Variants in ABLIM1 observed in about 807,000 individuals in gnomAD.
ABLIM1 encodes the protein actin binding LIM protein 1.
ABLIM1 carries 40 observed loss-of-function variants against 107.0 expected under a neutral mutation model. That is an observed-to-expected ratio of 0.37 (90% CI 0.29 to 0.49). The LOEUF (loss-of-function observed/expected upper bound fraction) is 0.49. Ranked by LOEUF, ABLIM1 falls within the 20% of genes least tolerant of loss-of-function variation. The probability of loss-of-function intolerance (pLI) is 0.97; values close to 1 mark genes in which losing one functional copy is unlikely to be tolerated. For missense variants in ABLIM1, 857 were observed against 1,008.5 expected, an observed-to-expected ratio of 0.85 and a Z score of 2.04; for synonymous variants, 357 against 357.3, an observed-to-expected ratio of 1.00 and a Z score of 0.01.
intron 1 of ABLIM1, among the ~76,000 whole-genome samples, chr10:114,760,170 T>C (rs1276517711): frequency 1.3e-5 from 2 of 152,046 alleles, no homozygotes; most frequent in African/African-American, 2.4e-5. Flanking sequence ...CAATAAATAC[T>C]AGCTGATTGA....
Position 114,434,950 on chromosome 10 carries a change from T to C in ABLIM1, c.*1310A>G, listed in dbSNP as rs547427960. On this transcript the variant is annotated 3_prime_UTR_variant, in exon 23 of 23. Transcript: ENST00000533213. ...AGGAAGTGATGTTGGGGTCGCAGTT[T>C]AGCCTCACTCTTGATCTTTGAGTCA... 6.6e-6 allele frequency: 1 copy of C among 152,274 alleles called. No individual in the cohort carries two copies. The highest frequency in any genetic ancestry group is 2.1e-4 in the South Asian group (1 of 4,824). 9.4% of individuals were successfully genotyped at this position (152,274 alleles called of 1,614,324 possible).
At chr10:114,610,023 A>G (rs1221763730) in intron 1 of ABLIM1, among the ~76,000 whole-genome samples, 1 of 152,242 alleles carries the variant, frequency 6.6e-6, no homozygotes, top group Non-Finnish European at 1.5e-5. Context: ...GGAAAAGATT[A>G]TCTAGCATAG....
chr10:114,689,362 TG>T (rs907013408), upstream of ABLIM1, among the ~76,000 whole-genome samples: 1 of 129,722 alleles, frequency 7.7e-6, no homozygotes, highest in Non-Finnish European at 1.7e-5. Context: ...TTTTGTATAT[TG>T]GTTTTTTTTT....
chr10:114,472,062 G>A (rs752338158), intron 10 of ABLIM1, among the ~76,000 whole-genome samples: 74 of 152,056 alleles, frequency 4.9e-4, no homozygotes, highest in Non-Finnish European at 8.2e-4. Flanking sequence ...TCTGCAGGCC[G>A]AGTATTAACG....
intron 4 of ABLIM1, among the ~76,000 whole-genome samples, chr10:114,549,413 A>C (rs1384868068): frequency 6.6e-6 from 1 of 152,152 alleles, no homozygotes; most frequent in African/African-American, 2.4e-5. Context: ...TAAATAAATA[A>C]AATTACCCAG....
chr10:114,670,637 C>T (rs1056186990), intron 1 of ABLIM1, among the ~76,000 whole-genome samples: 3 of 152,184 alleles, frequency 2.0e-5, no homozygotes, highest in African/African-American at 7.2e-5. Flanking sequence ...ATACTACAGG[C>T]ATGTGCCACC....
chr10:114,788,413 CAAAA>C, the ABLIM1 span, among the ~76,000 whole-genome samples: 2 of 129,044 alleles, frequency 1.5e-5, no homozygotes, highest in African/African-American at 5.7e-5. Flanking sequence ...GAGTCAACTC[CAAAA>C]AAAAAAAAAA....
At chr10:114,560,781 A>T (rs560453725) in intron 4 of ABLIM1, among the ~76,000 whole-genome samples, 1 of 152,360 alleles carries the variant, frequency 6.6e-6, no homozygotes, top group East Asian at 1.9e-4. Flanking sequence ...CAGACACAAA[A>T]GGCTAATAGT....
Position 114,564,463 on chromosome 10 carries a change from G to A in ABLIM1, c.673+6834C>T, listed in dbSNP as rs1286838151. ...TATTTTTTTTTTTTTAATAGAGATGGGGTTTCACCATATTGGCCAGGCTGG... is the reference window on the plus strand; with the variant it reads ...TATTTTTTTTTTTTTAATAGAGATGAGGTTTCACCATATTGGCCAGGCTGG... On this transcript the variant is annotated intron_variant, in intron 4 of 22. Transcript: ENST00000533213. Among the ~76,000 whole-genome samples the A allele has an allele frequency of 1.6e-4, 25 of 151,536 alleles. 1 individual carries two copies.
intron 8 of ABLIM1, among the ~76,000 whole-genome samples, chr10:114,482,181 T>C (rs1400231595): frequency 6.6e-6 from 1 of 152,238 alleles, no homozygotes; most frequent in African/African-American, 2.4e-5. Flanking sequence ...TACTGAGTTT[T>C]ACCTGTAGAC....
intron 4 of ABLIM1, among the ~76,000 whole-genome samples, chr10:114,555,880 T>C (rs1035897983): frequency 3.9e-5 from 6 of 152,098 alleles, no homozygotes; most frequent in Admixed American, 6.6e-5. Flanking sequence ...ACCATATTTG[T>C]CATAAACAAA....
At chr10:114,451,893 T>C (rs1347981633) in intron 13 of ABLIM1, among the ~76,000 whole-genome samples, 1 of 152,216 alleles carries the variant, frequency 6.6e-6, no homozygotes, top group East Asian at 1.9e-4. Context: ...CATCTTAGGA[T>C]ATATAAAGAT....
intron 6 of ABLIM1, among the ~76,000 whole-genome samples, chr10:114,525,628 A>G (rs2064585140): frequency 6.6e-6 from 1 of 152,218 alleles, no homozygotes; most frequent in Non-Finnish European, 1.5e-5. Flanking sequence ...AATGGCAACA[A>G]TTATATTTTA....
Position 114,436,006 on chromosome 10 carries a change from A to G in ABLIM1, c.*254T>C. ...GCAGCTCCTGTTGTATACATAAGGT[A>G]ATGTGAAAAGCTCACATGTGGACAC... is the stretch of plus-strand genomic sequence containing the variant. On this transcript the variant is annotated 3_prime_UTR_variant, in exon 23 of 23. Transcript: ENST00000533213. The G allele has an allele frequency of 2.3e-6, 1 of 437,782 alleles. No homozygotes were observed. Among genetic ancestry groups the G allele is most frequent in the Non-Finnish European group, 4.1e-6 (1 of 243,992 alleles). The allele number at this position is 437,782 out of a possible 1,614,324, so 27.1% of individuals were successfully genotyped here.
At chr10:114,485,367 C>G (rs766320529) in intron 8 of ABLIM1, 61 of 1,611,010 alleles carry the variant, frequency 3.8e-5, no homozygotes, top group Non-Finnish European at 4.7e-5. Flanking sequence ...TGAAGAACGC[C>G]GAATGTTTGG....
intron 4 of ABLIM1, among the ~76,000 whole-genome samples, chr10:114,562,303 G>A (rs1050897209): frequency 2.6e-5 from 4 of 152,322 alleles, no homozygotes. Flanking sequence ...GCCGAGGCAG[G>A]TGGATCACAA....
chr10:114,527,201 G>A (rs2064904722), intron 6 of ABLIM1, among the ~76,000 whole-genome samples: 3 of 152,126 alleles, frequency 2.0e-5, no homozygotes, highest in Non-Finnish European at 4.4e-5. Flanking sequence ...CCATCACACA[G>A]CCTGCAGCCT....
chr10:114,558,662 A>C (rs577914851), intron 4 of ABLIM1, among the ~76,000 whole-genome samples: 4 of 152,166 alleles, frequency 2.6e-5, no homozygotes, highest in Non-Finnish European at 5.9e-5. Context: ...GCTGTTGAAA[A>C]CTAGCTAGGA....
At chr10:114,473,192 A>T (rs1306473540) in intron 9 of ABLIM1, 60 bp from the exon 10 acceptor site, 4 of 1,493,664 alleles carry the variant, frequency 2.7e-6, no homozygotes, top group African/African-American at 1.4e-5. Flanking sequence ...AGGAAACTGT[A>T]GTTGGCGCAT....
Sources: gnomAD v4.1 joint callset for allele counts (sites outside exome capture counted in the v4.1 genomes callset) on GRCh38, gnomAD v4.1.1 for gene constraint, MANE v1.5 for transcripts, NCBI Gene and HGNC (gene_info 2026-07-23, HGNC 2026-07-21) for gene names.